Variants in TUBGCP3 observed in about 807,000 individuals in gnomAD.
TUBGCP3 encodes gamma-tubulin complex component 3.
A neutral mutation model predicts 123.1 loss-of-function variants in TUBGCP3; 50 were observed. The ratio of observed to expected loss-of-function variants is 0.41; its 90% CI spans 0.32 to 0.51. The LOEUF is 0.51. Among genes scored for constraint, TUBGCP3 ranks in the 20% least tolerant of loss-of-function variants. The pLI is 0.36. For synonymous variants in TUBGCP3, 405 were observed against 413.9 expected, an observed-to-expected ratio of 0.98 and a Z score of 0.26; for missense variants, 882 against 1,127.0, an observed-to-expected ratio of 0.78 and a Z score of 3.11.
chr13:112,588,598 G>C (rs574994851), upstream of TUBGCP3, among the ~76,000 whole-genome samples: 2 of 152,172 alleles, frequency 1.3e-5, no homozygotes, highest in Admixed American at 1.3e-4. Flanking sequence ...ACTGCCGCGC[G>C]GGCCGGTCCC....
At chr13:112,569,817 T>A (rs976125523) in intron 1 of TUBGCP3, among the ~76,000 whole-genome samples, 7 of 151,904 alleles carry the variant, frequency 4.6e-5, no homozygotes, top group African/African-American at 1.7e-4. Flanking sequence ...CAGAAAGGAA[T>A]CAGAGAGAAG....
intron 20 of TUBGCP3, among the ~76,000 whole-genome samples, chr13:112,493,505 A>G (rs1594100568): frequency 7.6e-6 from 1 of 131,622 alleles, no homozygotes; most frequent in Admixed American, 7.8e-5. Flanking sequence ...CGCTCTAGCT[A>G]TGGGAATGGG....
chr13:112,540,174 G>A (rs1253289951), intron 11 of TUBGCP3, among the ~76,000 whole-genome samples: 2 of 148,570 alleles, frequency 1.3e-5, no homozygotes, highest in African/African-American at 2.4e-5. Context: ...CATTCAGGTG[G>A]TCTTGGGAAA....
At chr13:112,513,096 G>C (rs944897508) in intron 17 of TUBGCP3, among the ~76,000 whole-genome samples, 3 of 152,118 alleles carry the variant, frequency 2.0e-5, no homozygotes, top group Non-Finnish European at 4.4e-5. Flanking sequence ...GGGAAGCTGA[G>C]GGAGAAAGAA....
chr13:112,543,185 A>C (rs1039851929), intron 11 of TUBGCP3, among the ~76,000 whole-genome samples: 1 of 152,110 alleles, frequency 6.6e-6, no homozygotes, highest in Non-Finnish European at 1.5e-5. Flanking sequence ...GCAGGTATGC[A>C]GAACCTGGGA....
intron 11 of TUBGCP3, among the ~76,000 whole-genome samples, chr13:112,537,734 T>C (rs901354656): frequency 6.6e-6 from 1 of 152,212 alleles, no homozygotes; most frequent in African/African-American, 2.4e-5. Flanking sequence ...CTTTAAATAT[T>C]TGGTAGCACT....
At chr13:112,488,202 G>A (rs149910562) in intron 21 of TUBGCP3, among the ~76,000 whole-genome samples, 452 of 151,096 alleles carry the variant, frequency 3.0e-3, no homozygotes, top group African/African-American at 9.6e-3. Context: ...GAGCGAGTGC[G>A]GTCTCACTTT....
At chr13:112,487,999 G>C (rs1279209354) in intron 21 of TUBGCP3, among the ~76,000 whole-genome samples, 2 of 151,916 alleles carry the variant, frequency 1.3e-5, no homozygotes, top group Non-Finnish European at 2.9e-5. Flanking sequence ...GGGTGTGGTG[G>C]CGCGTGCCTG....
chr13:112,492,708 T>C (rs1050068274), intron 20 of TUBGCP3, among the ~76,000 whole-genome samples: 3 of 150,920 alleles, frequency 2.0e-5, no homozygotes, highest in Admixed American at 6.6e-5. Context: ...ACACCCTGGC[T>C]ATGGGAATGG....
intron 13 of TUBGCP3, among the ~76,000 whole-genome samples, chr13:112,523,483 CTG>C (rs1224074719): frequency 6.6e-6 from 1 of 152,212 alleles, no homozygotes; most frequent in Non-Finnish European, 1.5e-5. Flanking sequence ...AGTGAAGAAA[CTG>C]TAGTTATCTG....
chr13:112,599,652 G>A, the TUBGCP3 span, among the ~76,000 whole-genome samples: 1 of 151,824 alleles, frequency 6.6e-6, no homozygotes, highest in Non-Finnish European at 1.5e-5. Flanking sequence ...GACTACAGGC[G>A]CATGCCACCA....
chr13:112,510,521 T>C (rs919984585), intron 17 of TUBGCP3, among the ~76,000 whole-genome samples: 2 of 152,198 alleles, frequency 1.3e-5, no homozygotes, highest in African/African-American at 4.8e-5. Flanking sequence ...TCAAAGTCTC[T>C]AACCACCTTT....
At chr13:112,603,737 C>T in the TUBGCP3 span, 1 of 152,018 alleles carries the variant, frequency 6.6e-6, no homozygotes, top group East Asian at 1.9e-4. Flanking sequence ...AAAAAAAAAT[C>T]CTAAATGTTA....
intron 21 of TUBGCP3, 106 bp from the exon 22 acceptor site, chr13:112,486,257 G>A: frequency 7.3e-7 from 1 of 1,370,948 alleles, no homozygotes. Context: ...TTTCCTTCCA[G>A]ATCAACAGGC....
chr13:112,545,669 C>G lies in TUBGCP3; in HGVS notation c.1335+30G>C, dbSNP rs553208167. ...ACTGCGTGCCCATGCTTTTTAAATCCAAGTCTCAGAACCGAACACCGATCC... is the reference window on the plus strand; with the variant it reads ...ACTGCGTGCCCATGCTTTTTAAATCGAAGTCTCAGAACCGAACACCGATCC... On this transcript the variant is annotated intron_variant, in intron 11 of 21. Transcript: ENST00000261965. This position sits in a 1 kb window ranked among gnomAD's most constrained non-coding sequence, Gnocchi z 4.1. 1.7e-5 allele frequency: 27 copies of G among 1,598,096 alleles called. No homozygotes were observed. In the East Asian group the frequency reaches 5.4e-4, roughly 32 times the overall value.
At chr13:112,573,818 G>C (rs571862022) in intron 1 of TUBGCP3, among the ~76,000 whole-genome samples, 26 of 152,290 alleles carry the variant, frequency 1.7e-4, no homozygotes, top group African/African-American at 6.3e-4. Context: ...CCCCACCACT[G>C]AGTGCTGGGC....
chr13:112,567,393 C>T (rs997642478), intron 2 of TUBGCP3, among the ~76,000 whole-genome samples: 2 of 152,166 alleles, frequency 1.3e-5, no homozygotes, highest in Admixed American at 6.5e-5. Flanking sequence ...ATGCTCACCA[C>T]GAGGCCATGA....
chr13:112,595,905 T>G, the TUBGCP3 span, among the ~76,000 whole-genome samples: 1 of 152,218 alleles, frequency 6.6e-6, no homozygotes, highest in Non-Finnish European at 1.5e-5. Flanking sequence ...GTGAATTATT[T>G]GAACAATTTT....
At position 112,485,973 on chromosome 13, in the gene TUBGCP3, C is replaced by T. The variant is rs188163820; in HGVS notation, c.*20G>A. On this transcript the variant is annotated 3_prime_UTR_variant, in exon 22 of 22. Transcript: ENST00000261965. The stretch of plus-strand genomic sequence containing the variant: ...AGTGCAACGAACATCACCCGCAGCT[C>T]CCTGGGAGGACCGCGAGCTTCACGT... 3.3e-5 allele frequency: 51 copies of T among 1,547,278 alleles called. No homozygotes were observed. The highest frequency in any genetic ancestry group is 4.5e-5 in the Non-Finnish European group (51 of 1,137,662).
Sources: gnomAD v4.1 joint callset for allele counts (sites outside exome capture counted in the v4.1 genomes callset) on GRCh38, gnomAD v4.1.1 for gene constraint, Gnocchi (gnomAD v3.1) non-coding constraint, MANE v1.5 for transcripts, NCBI Gene and HGNC (gene_info 2026-07-23, HGNC 2026-07-21) for gene names.